The following GAREM1 variants were observed in gnomAD, a reference collection of about 807,000 sequenced individuals.
GAREM1 encodes GRB2 associated regulator of MAPK1 subtype 1.
In GAREM1, 26 loss-of-function variants were observed where a neutral mutation model predicts 71.3. That is an observed-to-expected ratio of 0.36 (90% CI 0.27 to 0.51). The LOEUF (loss-of-function observed/expected upper bound fraction) is 0.51, where lower values mean the gene tolerates loss of function less well. GAREM1 is among the 20% of genes least tolerant of loss of function. The pLI is 0.95. For missense variants in GAREM1, 1,026 were observed against 1,103.1 expected (o/e 0.93, Z 0.99); for synonymous variants, 440 against 433.2 (o/e 1.02, Z -0.20).
chr18:32,270,943 G>T (rs1051323918), intron 4 of GAREM1, among the ~76,000 whole-genome samples: 6 of 126,388 alleles, frequency 4.7e-5, no homozygotes, highest in African/African-American at 1.7e-4. Context: ...ACTCTGTCGC[G>T]CAGGTTGGAA....
intron 2 of GAREM1, among the ~76,000 whole-genome samples, chr18:32,329,621 A>AACCGCCTC (rs2047510830): frequency 1.3e-5 from 2 of 148,340 alleles, no homozygotes; most frequent in African/African-American, 2.5e-5. Flanking sequence ...CAGAAGAATC[A>AACCGCCTC]CTTGAACCCA....
intron 2 of GAREM1, among the ~76,000 whole-genome samples, chr18:32,364,020 ATATATATGTTTTTTT>A (rs1448154493): frequency 1.2e-4 from 6 of 49,524 alleles, no homozygotes; most frequent in African/African-American, 9.2e-4. Flanking sequence ...ATATATATAT[ATATATATGTTTTTTT>A]TTTTTTTTTT....
At chr18:32,411,204 T>G (rs1386469457) in intron 1 of GAREM1, among the ~76,000 whole-genome samples, 1 of 152,212 alleles carries the variant, frequency 6.6e-6, no homozygotes, top group Non-Finnish European at 1.5e-5. Flanking sequence ...TGCACTAAGG[T>G]GCAATGACTT....
At chr18:32,314,266 C>G (rs950481401) in intron 2 of GAREM1, among the ~76,000 whole-genome samples, 13 of 152,134 alleles carry the variant, frequency 8.5e-5, no homozygotes, top group African/African-American at 3.1e-4. Flanking sequence ...AGCAATTCTC[C>G]ATGCAATGAC....
chr18:32,409,503 C>G (rs1171764838), intron 1 of GAREM1, among the ~76,000 whole-genome samples: 1 of 152,012 alleles, frequency 6.6e-6, no homozygotes, highest in African/African-American at 2.4e-5. Flanking sequence ...CTAGACAAAG[C>G]AATATGTGGT....
At position 32,316,147 on chromosome 18, in the gene GAREM1, A is replaced by G. The variant is rs142433429; in HGVS notation, c.263-5824T>C. Among the ~76,000 whole-genome samples, 188 of 152,360 alleles carry G rather than the reference A, an allele frequency of 1.2e-3. 1 individual carries two copies. Among genetic ancestry groups the G allele is most frequent in the African/African-American group, 4.3e-3 (177 of 41,590 alleles). ...GAATCACATATACATGGGAGCATGTATAAGAAATTCTACTGAGAATGATTA... is the reference window on the plus strand; with the variant it reads ...GAATCACATATACATGGGAGCATGTGTAAGAAATTCTACTGAGAATGATTA... On this transcript the variant is annotated intron_variant, in intron 2 of 5. Coordinates refer to ENST00000269209, the MANE Select transcript of GAREM1 (RefSeq NM_001242409.2).
At chr18:32,331,755 T>C (rs2047537149) in intron 2 of GAREM1, 1 of 152,086 alleles carries the variant, frequency 6.6e-6, no homozygotes, top group African/African-American at 2.4e-5. Context: ...AATTGTATTG[T>C]TAGAACAGAG....
At chr18:32,389,362 T>C (rs2048175121) in intron 2 of GAREM1, among the ~76,000 whole-genome samples, 1 of 152,150 alleles carries the variant, frequency 6.6e-6, no homozygotes, top group African/African-American at 2.4e-5. Context: ...GGAGGCTTAC[T>C]TAGTGGTAAA....
intron 1 of GAREM1, among the ~76,000 whole-genome samples, chr18:32,439,135 G>A (rs181654322): frequency 4.2e-4 from 64 of 152,294 alleles, no homozygotes; most frequent in Admixed American, 2.7e-3. Flanking sequence ...CAGCATAATT[G>A]CAGAGGATCC....
rs1049811038 is a variant in GAREM1 at position 32,266,878 on chromosome 18, T to C, written c.*993A>G. 1 of 152,200 alleles carries C rather than the reference T, an allele frequency of 6.6e-6. No individual in the cohort carries two copies. The highest frequency in any genetic ancestry group is 2.4e-5 in the African/African-American group (1 of 41,446). 9.4% of individuals were successfully genotyped at this position (152,200 alleles called of 1,614,324 possible). A position where few individuals can be genotyped will look rare whatever the true frequency, so the allele number is the denominator to read the frequency against. ...GAAACTGTCATTTCCCCAGACATCA[T>C]GGGAGTATTACATGCAAAAACCAGC... On this transcript the variant is annotated 3_prime_UTR_variant, in exon 6 of 6. Coordinates refer to ENST00000269209, the MANE Select transcript of GAREM1 (RefSeq NM_001242409.2).
At chr18:32,311,118 ATGT>A (rs1414355522) in intron 2 of GAREM1, among the ~76,000 whole-genome samples, 3 of 152,242 alleles carry the variant, frequency 2.0e-5, no homozygotes, top group Admixed American at 6.5e-5. Context: ...AGGATCTATC[ATGT>A]TGTTGTTTAC....
At chr18:32,419,978 G>GT in intron 1 of GAREM1, among the ~76,000 whole-genome samples, 1 of 152,282 alleles carries the variant, frequency 6.6e-6, no homozygotes, top group African/African-American at 2.4e-5. Context: ...GAAGAGCCAC[G>GT]TAACAGTATA....
chr18:32,310,390 A>T, intron 2 of GAREM1, 67 bp from the exon 3 acceptor site: 1 of 1,528,650 alleles, frequency 6.5e-7, no homozygotes, highest in Non-Finnish European at 8.9e-7. Flanking sequence ...CATGGCAACA[A>T]CATCCTCTCT....
At chr18:32,310,429 A>C in intron 2 of GAREM1, 106 bp from the exon 3 acceptor site, 1 of 1,097,644 alleles carries the variant, frequency 9.1e-7, no homozygotes, top group East Asian at 2.5e-5. Context: ...TTTGTCAAAG[A>C]TTCCTGTTCA....
At chr18:32,329,925 A>G (rs1444033534) in intron 2 of GAREM1, among the ~76,000 whole-genome samples, 1 of 152,026 alleles carries the variant, frequency 6.6e-6, no homozygotes, top group Non-Finnish European at 1.5e-5. Context: ...GTGTCGGGGG[A>G]ATGCATGAGG....
At chr18:32,458,517 T>C (rs1242494158) in intron 1 of GAREM1, among the ~76,000 whole-genome samples, 3 of 152,066 alleles carry the variant, frequency 2.0e-5, no homozygotes, top group Admixed American at 6.6e-5. Flanking sequence ...TTAATACTTA[T>C]GAACATTGAC....
At chr18:32,301,752 A>G (rs2047204149) in intron 3 of GAREM1, among the ~76,000 whole-genome samples, 1 of 152,194 alleles carries the variant, frequency 6.6e-6, no homozygotes, top group African/African-American at 2.4e-5. Flanking sequence ...TTCATTTTAC[A>G]CTGAAGGCTA....
chr18:32,380,695 T>TCA (rs2048088031), intron 2 of GAREM1, among the ~76,000 whole-genome samples: 1 of 152,152 alleles, frequency 6.6e-6, no homozygotes, highest in African/African-American at 2.4e-5. Context: ...TGCAGGATGT[T>TCA]CAGCAACTTC....
intron 1 of GAREM1, among the ~76,000 whole-genome samples, chr18:32,435,023 G>C (rs2048661118): frequency 6.6e-6 from 1 of 152,032 alleles, no homozygotes; most frequent in Admixed American, 6.6e-5. Context: ...TCTCATCTCT[G>C]CATGTTTTCC....
Sources: allele counts gnomAD v4.1 joint callset (sites outside exome capture counted in the v4.1 genomes callset), GRCh38; gene constraint gnomAD v4.1.1; transcripts MANE v1.5; gene names NCBI Gene and HGNC (gene_info 2026-07-23, HGNC 2026-07-21).